Variants in CRAMP1 observed in about 807,000 individuals in gnomAD.
CRAMP1 encodes cramped chromatin regulator 1.
CRAMP1 carries 50 observed loss-of-function variants against 115.4 expected under a neutral mutation model. That is an observed-to-expected ratio of 0.43 (90% CI 0.35 to 0.55). The LOEUF is 0.55. CRAMP1 is among the 20% of genes least tolerant of loss of function. The pLI, the probability that CRAMP1 is intolerant of heterozygous loss-of-function variation, is 0.01. For synonymous variants in CRAMP1, 866 were observed against 745.4 expected (o/e 1.16, Z -2.64); for missense variants, 1,679 against 1,721.7 (o/e 0.98, Z 0.44).
Position 1,614,561 on chromosome 16 carries a change from T to G in CRAMP1, c.-1-78T>G. The G allele has an allele frequency of 2.3e-6, 2 of 865,736 alleles. No homozygotes were observed. Among genetic ancestry groups the G allele is most frequent in the African/African-American group, 1.8e-5 (1 of 55,920 alleles). The allele number at this position is 865,736 out of a possible 1,614,324, so 53.6% of individuals were successfully genotyped here. ...GATTTGGAACAAACAACGGCGGCCA[T>G]GTTGAGAGCGCGTCGGGGCCGCTAA... is the stretch of plus-strand genomic sequence containing the variant. On this transcript the variant is annotated intron_variant, in intron 1 of 20. Coordinates refer to ENST00000397412, the MANE Select transcript of CRAMP1 (RefSeq NM_020825.4). The surrounding 1 kb of genome is among the most constrained non-coding windows in gnomAD (Gnocchi z 4.4).
chr16:1,638,803 T>G (rs912742094), intron 5 of CRAMP1, among the ~76,000 whole-genome samples: 1 of 151,876 alleles, frequency 6.6e-6, no homozygotes, highest in Non-Finnish European at 1.5e-5. Context: ...CACCACACTC[T>G]GTCCCCTTGC....
chr16:1,651,198 A>G (rs1282692859), intron 6 of CRAMP1, among the ~76,000 whole-genome samples: 4 of 151,930 alleles, frequency 2.6e-5, no homozygotes, highest in African/African-American at 4.8e-5. Flanking sequence ...GAGGTCACAC[A>G]GGTCACAAAA....
At position 1,669,644 on chromosome 16, in the gene CRAMP1, T is replaced by C. The variant is rs1012360589; in HGVS notation, c.3499+479T>C. On this transcript the variant is annotated intron_variant, in intron 19 of 20. Transcript: ENST00000397412. The surrounding 1 kb of genome is among the most constrained non-coding windows in gnomAD (Gnocchi z 4.6). Reference sequence around the variant, plus strand: ...TATAGATCGGAGAGTTCAGAGGACGTGTCCATCCTCCTCCCCCACTGCCCG... The same window carrying C: ...TATAGATCGGAGAGTTCAGAGGACGCGTCCATCCTCCTCCCCCACTGCCCG... Among the ~76,000 whole-genome samples, 18 of 152,208 alleles carry C rather than the reference T, an allele frequency of 1.2e-4. 1 individual carries two copies. Among genetic ancestry groups the C allele is most frequent in the African/African-American group, 4.3e-4 (18 of 41,454 alleles).
chr16:1,635,888 G>A (rs2036584940), intron 4 of CRAMP1, among the ~76,000 whole-genome samples: 1 of 152,154 alleles, frequency 6.6e-6, no homozygotes, highest in Non-Finnish European at 1.5e-5. Context: ...ATAGAAATGG[G>A]ATCACGTGCT....
chr16:1,669,156 A>T lies in CRAMP1; in HGVS notation c.3490A>T (p.Ser1164Cys). The change falls in exon 19 of 21, where the codon AGC becomes TGC. Residue 1164 changes from serine (S) to cysteine (C), a missense_variant. By Grantham distance (112) the Ser-to-Cys change is moderately radical. Coordinates refer to ENST00000397412, the MANE Select transcript of CRAMP1 (RefSeq NM_020825.4). This position sits in a 1 kb window ranked among gnomAD's most constrained non-coding sequence, Gnocchi z 4.6. ...TGACTCCACCGACTCCTCGCTCAGC[A>T]GCCTGTTTGGTGAGTGTATGGGGAG... ...PSDSTDSSLS[S>C]LFASFISPEK... is the part of the protein sequence containing the mutation. The T allele has an allele frequency of 6.2e-7, 1 of 1,601,244 alleles. No individual in the cohort carries two copies. Among genetic ancestry groups the T allele is most frequent in the Non-Finnish European group, 8.5e-7 (1 of 1,173,264 alleles).
chr16:1,622,579 G>A (rs1466101257), intron 2 of CRAMP1, among the ~76,000 whole-genome samples: 2 of 152,066 alleles, frequency 1.3e-5, no homozygotes, highest in African/African-American at 4.8e-5. Context: ...GTTACTTGGG[G>A]CGATTTGCTT....
At chr16:1,653,985 C>A (rs140357276) in intron 8 of CRAMP1, among the ~76,000 whole-genome samples, 1 of 149,834 alleles carries the variant, frequency 6.7e-6, no homozygotes, top group South Asian at 2.1e-4. Context: ...ACTAAAAATA[C>A]AAAAAAAATT....
intron 2 of CRAMP1, chr16:1,620,676 A>T (rs2036458843): frequency 2.2e-6 from 1 of 456,712 alleles, no homozygotes; most frequent in Non-Finnish European, 4.4e-6. Flanking sequence ...GCTGTCTATT[A>T]GCCGCGTGCC....
At chr16:1,613,956 G>A (rs143447557) in intron 1 of CRAMP1, among the ~76,000 whole-genome samples, 122 of 152,308 alleles carry the variant, frequency 8.0e-4, no homozygotes, top group African/African-American at 2.7e-3. Context: ...AGGCGGGCCG[G>A]CGGCATTGGG....
chr16:1,666,375 T>G lies in CRAMP1; in HGVS notation c.2858-47T>G, dbSNP rs773592375. On this transcript the variant is annotated intron_variant, in intron 15 of 20. Transcript: ENST00000397412. This position sits in a 1 kb window ranked among gnomAD's most constrained non-coding sequence, Gnocchi z 5.0. ...CCCCGAGCCCTCTTGGGACATCTTATGGGTTGTCAGTAGAGCAGAGATGTG... is the reference window on the plus strand; with the variant it reads ...CCCCGAGCCCTCTTGGGACATCTTAGGGGTTGTCAGTAGAGCAGAGATGTG... 4.5e-6 allele frequency: 7 copies of G among 1,566,552 alleles called. No individual in the cohort carries two copies. The East Asian group carries it at 1.6e-4, about 36-fold the overall frequency.
Position 1,672,529 on chromosome 16 carries a change from G to A in CRAMP1, c.3646-1352G>A, listed in dbSNP as rs1322374241. 6.6e-6 allele frequency among the ~76,000 whole-genome samples: 1 copy of A among 152,128 alleles called. No homozygotes were observed. Among genetic ancestry groups the A allele is most frequent in the Non-Finnish European group, 1.5e-5 (1 of 68,034 alleles). ...TGGGAGCTGCTGATGGACATACAGGGGAAGGAGAATTACTCTTTGCTCTGC... is the reference window on the plus strand; with the variant it reads ...TGGGAGCTGCTGATGGACATACAGGAGAAGGAGAATTACTCTTTGCTCTGC... On this transcript the variant is annotated intron_variant, in intron 20 of 20. Transcript: ENST00000397412. This position sits in a 1 kb window ranked among gnomAD's most constrained non-coding sequence, Gnocchi z 4.9.
chr16:1,647,064 T>C, intron 6 of CRAMP1: 3 of 702,968 alleles, frequency 4.3e-6, no homozygotes, highest in South Asian at 1.5e-5. Context: ...AGGTGAGAGA[T>C]TGGGAAAATG....
chr16:1,628,976 C>A (rs915982260), intron 3 of CRAMP1, among the ~76,000 whole-genome samples: 2 of 152,246 alleles, frequency 1.3e-5, no homozygotes, highest in Non-Finnish European at 2.9e-5. Flanking sequence ...CAGACTTCTC[C>A]CTCTGGCAGG....
At chr16:1,622,702 C>A (rs1002515201) in intron 2 of CRAMP1, among the ~76,000 whole-genome samples, 1 of 152,066 alleles carries the variant, frequency 6.6e-6, no homozygotes, top group Admixed American at 6.5e-5. Flanking sequence ...CCTACCTCAG[C>A]CACCCAAGTA....
At chr16:1,649,014 A>G (rs1256041409) in intron 6 of CRAMP1, among the ~76,000 whole-genome samples, 6 of 151,948 alleles carry the variant, frequency 3.9e-5, no homozygotes, top group Non-Finnish European at 8.8e-5. Context: ...AGCTGAGATC[A>G]TGCCACTGCA....
At chr16:1,652,780 A>G (rs764962895) in intron 7 of CRAMP1, among the ~76,000 whole-genome samples, 199 bp downstream of exon 7, 2 of 152,322 alleles carry the variant, frequency 1.3e-5, no homozygotes, top group Non-Finnish European at 2.9e-5. Flanking sequence ...GAGCCATGGC[A>G]GCAGTCAGCA....
chr16:1,627,608 G>C (rs1347518730), intron 3 of CRAMP1, among the ~76,000 whole-genome samples: 1 of 152,234 alleles, frequency 6.6e-6, no homozygotes, highest in Non-Finnish European at 1.5e-5. Context: ...GCCCTGGGCT[G>C]CAGGTTAGGT....
In CRAMP1 at chr16:1,637,854, A is replaced by G. The variant is rs777373587; in HGVS notation, c.725A>G (p.Gln242Arg). ...TCTCGAGGCCTGAAGAAGTCATCCCAGGAACTGTATGGCCTGATCTGCTAT... is the reference window on the plus strand; with the variant it reads ...TCTCGAGGCCTGAAGAAGTCATCCCGGGAACTGTATGGCCTGATCTGCTAT... ...VFSRGLKKSS[Q>R]ELYGLICYGE... Residue 242 changes from glutamine (Q) to arginine (R), a missense_variant, in exon 5 of 21, where the codon CAG becomes CGG. This residue lies in a region of CRAMP1 where 42 missense variants were observed against 42.3 expected (regional missense o/e 0.99). Coordinates refer to ENST00000397412, the MANE Select transcript of CRAMP1 (RefSeq NM_020825.4). 2 of 1,569,788 alleles carry G rather than the reference A, an allele frequency of 1.3e-6. No individual in the cohort carries two copies. Among genetic ancestry groups the G allele is most frequent in the African/African-American group, 1.4e-5 (1 of 72,798 alleles).
chr16:1,670,830 GCTGCAC>G, intron 20 of CRAMP1, 21 bp downstream of exon 20: 1 of 1,611,364 alleles, frequency 6.2e-7, no homozygotes, highest in Non-Finnish European at 8.5e-7. Context: ...TGACCTCACA[GCTGCAC>G]CTGACCACCA....
Sources: allele counts gnomAD v4.1 joint callset (sites outside exome capture counted in the v4.1 genomes callset), GRCh38; gene constraint gnomAD v4.1.1; regional missense constraint gnomAD v4.1.1; non-coding constraint Gnocchi (gnomAD v3.1); transcripts MANE v1.5; gene names NCBI Gene and HGNC (gene_info 2026-07-23, HGNC 2026-07-21).